The following CDK17 variants were observed in gnomAD, a reference collection of about 807,000 sequenced individuals.
CDK17 encodes cyclin dependent kinase 17.
In CDK17, 24 loss-of-function variants were observed where a neutral mutation model predicts 77.6. The ratio of observed to expected loss-of-function variants is 0.31; its 90% CI spans 0.22 to 0.44. The LOEUF is 0.44. Among genes scored for constraint, CDK17 ranks in the 20% least tolerant of loss-of-function variants. The probability of loss-of-function intolerance (pLI) is 1.00; values close to 1 mark genes in which losing one functional copy is unlikely to be tolerated. For synonymous variants in CDK17, 203 were observed against 210.4 expected (o/e 0.96, Z 0.30); for missense variants, 429 against 622.5 (o/e 0.69, Z 3.31).
chr12:96,302,878 G>T (rs1952526874), intron 5 of CDK17, among the ~76,000 whole-genome samples: 1 of 152,076 alleles, frequency 6.6e-6, no homozygotes, highest in African/African-American at 2.4e-5. Flanking sequence ...CAACACTACT[G>T]AATTCCACCC....
chr12:96,314,471 G>A (rs886792238), intron 3 of CDK17, among the ~76,000 whole-genome samples: 3 of 152,138 alleles, frequency 2.0e-5, no homozygotes, highest in African/African-American at 4.8e-5. Flanking sequence ...TGGAAGCTAA[G>A]CATGTGGGAG....
intron 1 of CDK17, among the ~76,000 whole-genome samples, chr12:96,381,818 T>A (rs1322017508): frequency 1.3e-5 from 2 of 151,148 alleles, no homozygotes; most frequent in Admixed American, 6.6e-5. Context: ...TCAGAAAAAA[T>A]TAAAAAAAGA....
intron 1 of CDK17, among the ~76,000 whole-genome samples, chr12:96,381,109 ACTAAT>A (rs1291424327): frequency 2.0e-5 from 3 of 152,174 alleles, no homozygotes; most frequent in Non-Finnish European, 2.9e-5. Context: ...ACACAAATAA[ACTAAT>A]ACACTCTATC....
In CDK17 at chr12:96,323,929, A is replaced by G. The variant is rs1482189249; in HGVS notation, c.283+19T>C. On this transcript the variant is annotated intron_variant, in intron 3 of 16. Transcript: ENST00000261211. ...GTATAATCAGAAAGGTAAACACAAC[A>G]GACAAGTAATCAAATTACCTAATCT... The G allele has an allele frequency of 1.9e-6, 3 of 1,555,774 alleles. No homozygotes were observed. The highest frequency in any genetic ancestry group is 1.4e-5 in the African/African-American group (1 of 73,120).
chr12:96,342,476 C>T (rs775601383), intron 1 of CDK17, among the ~76,000 whole-genome samples: 8 of 152,036 alleles, frequency 5.3e-5, no homozygotes, highest in South Asian at 4.1e-4. Context: ...GCAGAAGAAT[C>T]GCTTGAACCT....
chr12:96,349,856 T>C (rs529045726), intron 1 of CDK17, among the ~76,000 whole-genome samples: 19 of 152,268 alleles, frequency 1.2e-4, no homozygotes, highest in Admixed American at 7.8e-4. Context: ...GACATGATCT[T>C]ATATGAAGAA....
chr12:96,387,108 G>T, intron 1 of CDK17: 2 of 323,412 alleles, frequency 6.2e-6, no homozygotes, highest in Non-Finnish European at 1.2e-5. Flanking sequence ...ATCCACACCT[G>T]TGACTGTTCC....
At chr12:96,358,659 T>G (rs1288683838) in intron 1 of CDK17, among the ~76,000 whole-genome samples, 1 of 151,688 alleles carries the variant, frequency 6.6e-6, no homozygotes, top group Non-Finnish European at 1.5e-5. Flanking sequence ...CCATCTCTAG[T>G]AAAAATACAA....
At chr12:96,321,735 C>T (rs1356107705) in intron 3 of CDK17, among the ~76,000 whole-genome samples, 1 of 104,528 alleles carries the variant, frequency 9.6e-6, no homozygotes, top group Non-Finnish European at 1.9e-5. Flanking sequence ...CGCATATTCT[C>T]ACTCATAGGT....
chr12:96,331,142 C>T lies in CDK17; in HGVS notation c.118+3577G>A, dbSNP rs182385815. Among the ~76,000 whole-genome samples the T allele has an allele frequency of 3.0e-3, 456 of 152,258 alleles. 3 individuals are homozygous for T. The highest frequency in any genetic ancestry group is 4.9e-3 in the Non-Finnish European group (332 of 68,022). On this transcript the variant is annotated intron_variant, in intron 2 of 16. Transcript: ENST00000261211. Reference sequence around the variant, plus strand: ...ATTTTTAGTAGAGACGGGGTTTCACCGTGTTGGCCAGGCTAGTCTAGAACT... The same window carrying T: ...ATTTTTAGTAGAGACGGGGTTTCACTGTGTTGGCCAGGCTAGTCTAGAACT...
rs145573716 is a variant in CDK17, at chr12:96,310,268, T to C, written c.543+784A>G. 5.7e-3 allele frequency among the ~76,000 whole-genome samples: 863 copies of C among 152,232 alleles called. 17 individuals are homozygous for C. The highest frequency in any genetic ancestry group is 0.02 in the African/African-American group (818 of 41,526). ...ACTTCCATACATACTGGGATACATATTGTGCAATATATATATACAAACTTT... is the reference window on the plus strand; with the variant it reads ...ACTTCCATACATACTGGGATACATACTGTGCAATATATATATACAAACTTT... On this transcript the variant is annotated intron_variant, in intron 5 of 16. Transcript: ENST00000261211.
At chr12:96,341,067 C>T (rs1335104188) in intron 1 of CDK17, among the ~76,000 whole-genome samples, 1 of 152,084 alleles carries the variant, frequency 6.6e-6, no homozygotes, top group African/African-American at 2.4e-5. Context: ...TGCTTAGCTC[C>T]CACTTATGAG....
intron 1 of CDK17, among the ~76,000 whole-genome samples, chr12:96,384,194 A>G (rs1299310326): frequency 6.6e-6 from 1 of 152,240 alleles, no homozygotes; most frequent in Non-Finnish European, 1.5e-5. Context: ...AATGAAAACC[A>G]CAACAAAATA....
chr12:96,307,007 G>A (rs1217358940), intron 5 of CDK17, among the ~76,000 whole-genome samples: 1 of 151,532 alleles, frequency 6.6e-6, no homozygotes, highest in African/African-American at 2.4e-5. Flanking sequence ...GAAAAGGGAA[G>A]TAGGCAGGCC....
Position 96,298,743 on chromosome 12 carries a change from C to T in CDK17, c.715+126G>A, listed in dbSNP as rs139693954. On this transcript the variant is annotated intron_variant, in intron 7 of 16. Coordinates refer to ENST00000261211, the MANE Select transcript of CDK17 (RefSeq NM_002595.5). ...TTTGAGTATTTGTTTTAGAAATTTG[C>T]TTTTTAAAGGTTTAATTACATCTTC... The T allele has an allele frequency of 4.5e-4, 244 of 541,092 alleles. No homozygotes were observed. In the African/African-American group the frequency reaches 4.6e-3, roughly 10 times the overall value. 33.5% of individuals were successfully genotyped at this position (541,092 alleles called of 1,614,324 possible).
chr12:96,284,462 C>CAAAA (rs1047611562), intron 13 of CDK17: 1 of 56,480 alleles, frequency 1.8e-5, no homozygotes, highest in Non-Finnish European at 3.6e-5. Context: ...CTCTGTCTCC[C>CAAAA]AAAAAAAAAA....
chr12:96,309,922 A>C (rs1952624850), intron 5 of CDK17, among the ~76,000 whole-genome samples: 1 of 152,218 alleles, frequency 6.6e-6, no homozygotes, highest in Admixed American at 6.5e-5. Flanking sequence ...CACTCTGGAA[A>C]GCTGTTGACA....
At chr12:96,296,114 A>G (rs891205226) in intron 9 of CDK17, among the ~76,000 whole-genome samples, 8 of 152,238 alleles carry the variant, frequency 5.3e-5, no homozygotes, top group African/African-American at 1.9e-4. Flanking sequence ...TTGTATTTTG[A>G]AAGTATAAAG....
At chr12:96,311,271 T>A in intron 4 of CDK17, 94 bp from the exon 5 acceptor site, 1 of 1,092,792 alleles carries the variant, frequency 9.2e-7, no homozygotes, top group Non-Finnish European at 1.2e-6. Flanking sequence ...TAGTGATAAG[T>A]AATTGTAAAG....
Sources: allele counts gnomAD v4.1 joint callset (sites outside exome capture counted in the v4.1 genomes callset), GRCh38; gene constraint gnomAD v4.1.1; transcripts MANE v1.5; gene names NCBI Gene and HGNC (gene_info 2026-07-23, HGNC 2026-07-21).